Variants in TOGARAM1 observed in about 807,000 individuals in gnomAD.
TOGARAM1 encodes TOG array regulator of axonemal microtubules protein 1.
A neutral mutation model predicts 166.6 loss-of-function variants in TOGARAM1; 100 were observed. The ratio of observed to expected loss-of-function variants is 0.60; its 90% CI spans 0.51 to 0.71. The LOEUF (loss-of-function observed/expected upper bound fraction) is 0.71, where lower values mean the gene tolerates loss of function less well. Ranked by LOEUF, TOGARAM1 falls within the 30% of genes least tolerant of loss-of-function variation. The pLI, the probability that TOGARAM1 is intolerant of heterozygous loss-of-function variation, is 0.00. For synonymous variants in TOGARAM1, 758 were observed against 763.8 expected, an observed-to-expected ratio of 0.99 and a Z score of 0.13; for missense variants, 2,029 against 2,102.7, an observed-to-expected ratio of 0.96 and a Z score of 0.69.
rs1280719432 is a variant in TOGARAM1, at chr14:44,962,905, G to A, written c.484G>A (p.Val162Ile). Residue 162 changes from valine (V) to isoleucine (I), a missense_variant, in exon 1 of 20, where the codon GTT becomes ATT. This residue lies in a region of TOGARAM1 where 1,453 missense variants were observed against 1,432.2 expected (regional missense o/e 1.01). Coordinates refer to ENST00000361462, the MANE Select transcript of TOGARAM1 (RefSeq NM_001308120.2). Reference sequence around the variant, plus strand: ...GCTCTGCTTGCAACTTCTCTCGGACGTTCTCCGGGGTCAGGGGGAGGCAGG... The same window carrying A: ...GCTCTGCTTGCAACTTCTCTCGGACATTCTCCGGGGTCAGGGGGAGGCAGG... ...KRLCLQLLSDVLRGQGEAGQL... is the reference protein window; with the variant it reads ...KRLCLQLLSDILRGQGEAGQL... 1 of 1,614,150 alleles carries A rather than the reference G, an allele frequency of 6.2e-7. No homozygotes were observed. Among genetic ancestry groups the A allele is most frequent in the South Asian group, 1.1e-5 (1 of 91,088 alleles).
chr14:45,004,189 C>T lies in TOGARAM1; in HGVS notation c.2467C>T (p.Pro823Ser). The T allele has an allele frequency of 1.9e-6, 3 of 1,614,038 alleles. No homozygotes were observed. The highest frequency in any genetic ancestry group is 2.5e-6 in the Non-Finnish European group (3 of 1,179,972). ...YILPSYPVSS[P>S]RTSPKHTSPL... is the part of the protein sequence containing the mutation. ...CCTTCCATCCTATCCTGTCTCATCA[C>T]CTCGAACTAGTCCAAAGCATACATC... The change falls in exon 4 of 20, where the codon CCT becomes TCT. Residue 823 changes from proline (P) to serine (S), a missense_variant. Pro to Ser is a moderately conservative substitution (Grantham distance 74). This residue lies in a region of TOGARAM1 where 1,453 missense variants were observed against 1,432.2 expected (regional missense o/e 1.01). Coordinates refer to ENST00000361462, the MANE Select transcript of TOGARAM1 (RefSeq NM_001308120.2).
Position 44,974,029 on chromosome 14 carries a change from T to A in TOGARAM1, c.2046+9562T>A, listed in dbSNP as rs1433597054. ...ACCTTTCTCCTGGTTTTTCTCTGAG[T>A]TTCCTAGATCTGTGGTTAGGTTTCT... On this transcript the variant is annotated intron_variant, in intron 1 of 19. Transcript: ENST00000361462. 2.0e-5 allele frequency among the ~76,000 whole-genome samples: 3 copies of A among 151,978 alleles called. No individual in the cohort carries two copies. The East Asian group carries it at 5.8e-4, about 29-fold the overall frequency.
At chr14:45,039,280 G>A (rs976239611) in intron 11 of TOGARAM1, among the ~76,000 whole-genome samples, 1 of 152,136 alleles carries the variant, frequency 6.6e-6, no homozygotes, top group Admixed American at 6.5e-5. Context: ...GCTTCAGAGG[G>A]GAGGACGTGC....
chr14:45,037,972 C>T (rs533309434), intron 11 of TOGARAM1, among the ~76,000 whole-genome samples: 49 of 151,824 alleles, frequency 3.2e-4, no homozygotes, highest in African/African-American at 9.4e-4. Context: ...GAGCCTAGAT[C>T]GGGCCACTGC....
At chr14:45,018,393 C>T (rs1178883055) in intron 7 of TOGARAM1, among the ~76,000 whole-genome samples, 8 of 152,080 alleles carry the variant, frequency 5.3e-5, no homozygotes, top group Non-Finnish European at 1.2e-4. Context: ...GTGCATGCCA[C>T]CACGCCTGGG....
Position 45,027,301 on chromosome 14 carries a change from G to C in TOGARAM1, c.3331G>C (p.Val1111Leu). The C allele has an allele frequency of 1.2e-6, 2 of 1,612,304 alleles. No homozygotes were observed. Among genetic ancestry groups the C allele is most frequent in the South Asian group, 1.1e-5 (1 of 90,670 alleles). ...ATTTGGTGGTTGGTTGATTTCAGGC[G>C]TATTTGGAAGTTTAAGTTCAGCACC... Reference protein sequence around the residue: ...EDSVVVVGKGVFGSLSSAPAT... With the variant: ...EDSVVVVGKGLFGSLSSAPAT... Residue 1111 changes from valine (V) to leucine (L), a missense_variant and splice_region_variant, in exon 9 of 20, where the codon GTA (valine) becomes CTA (leucine). Physicochemically the swap from Val to Leu is conservative, Grantham distance 32 (BLOSUM62 1). Coordinates refer to ENST00000361462, the MANE Select transcript of TOGARAM1 (RefSeq NM_001308120.2).
intron 16 of TOGARAM1, among the ~76,000 whole-genome samples, chr14:45,062,318 T>G (rs1340274797): frequency 1.3e-5 from 2 of 152,180 alleles, no homozygotes; most frequent in East Asian, 3.8e-4. Context: ...TTAAATACAT[T>G]GAGGATAGTT....
intron 2 of TOGARAM1, among the ~76,000 whole-genome samples, chr14:44,998,231 A>T (rs367787388): frequency 6.6e-6 from 1 of 152,208 alleles, no homozygotes; most frequent in Non-Finnish European, 1.5e-5. Flanking sequence ...TTTGATTTTG[A>T]TTTCTCTGTA....
chr14:45,038,941 G>A (rs148662908), intron 11 of TOGARAM1, among the ~76,000 whole-genome samples: 6 of 152,258 alleles, frequency 3.9e-5, no homozygotes, highest in South Asian at 2.1e-4. Context: ...CTTTCTGCAC[G>A]CAAGTTGTCC....
chr14:45,045,569 ATATATATATATATATGTGTG>A (rs1330851548), intron 13 of TOGARAM1, among the ~76,000 whole-genome samples: 16 of 39,456 alleles, frequency 4.1e-4, no homozygotes, highest in South Asian at 2.0e-3. Context: ...ATATATATAT[ATATATATATATATATGTGTG>A]TGTGTGTGTG....
intron 7 of TOGARAM1, among the ~76,000 whole-genome samples, chr14:45,013,191 A>G (rs1188962789): frequency 6.6e-6 from 1 of 151,862 alleles, no homozygotes; most frequent in Non-Finnish European, 1.5e-5. Flanking sequence ...TCCATACCAC[A>G]CCCTATTTAG....
intron 18 of TOGARAM1, 27 bp downstream of exon 18, chr14:45,068,670 AT>A (rs1883246303): frequency 6.7e-7 from 1 of 1,500,298 alleles, no homozygotes; most frequent in African/African-American, 1.4e-5. Flanking sequence ...CGGCACTCAA[AT>A]TATTTTCACT....
chr14:45,071,652 G>T, intron 18 of TOGARAM1, 60 bp from the exon 19 acceptor site: 2 of 1,160,700 alleles, frequency 1.7e-6, no homozygotes, highest in African/African-American at 1.6e-5. Context: ...GCTATGTAAT[G>T]GAAAGTAACT....
At position 45,066,521 on chromosome 14, in the gene TOGARAM1, T is replaced by C; in HGVS notation, c.4560-57T>C. The C allele has an allele frequency of 2.8e-6, 4 of 1,408,178 alleles. No homozygotes were observed. The South Asian group carries it at 5.9e-5, about 21-fold the overall frequency. 87.2% of individuals were successfully genotyped at this position (1,408,178 alleles called of 1,614,324 possible). On this transcript the variant is annotated intron_variant, in intron 16 of 19. Coordinates refer to ENST00000361462, the MANE Select transcript of TOGARAM1 (RefSeq NM_001308120.2). Reference sequence around the variant, plus strand: ...ATGAGATTTTTAAATTATGTTTGTATAATAGTTTTTATAGGAAAGTACAAA... The same window carrying C: ...ATGAGATTTTTAAATTATGTTTGTACAATAGTTTTTATAGGAAAGTACAAA...
At position 45,053,870 on chromosome 14, in the gene TOGARAM1, ATAT is replaced by A. The variant is rs111579133; in HGVS notation, c.4441-538_4441-536del. Among the ~76,000 whole-genome samples, 269 of 151,240 alleles carry A rather than the reference ATAT, an allele frequency of 1.8e-3. 1 individual carries two copies. Among genetic ancestry groups the A allele is most frequent in the Non-Finnish European group, 3.0e-3 (202 of 67,814 alleles). ...AAGAAGAGTAGTTACGAAATACAGC[ATAT>A]TATTATTATTATTATTATTATTTTG... On this transcript the variant is annotated intron_variant, in intron 15 of 19. Coordinates refer to ENST00000361462, the MANE Select transcript of TOGARAM1 (RefSeq NM_001308120.2).
At chr14:45,070,350 G>A (rs1207662778) in intron 18 of TOGARAM1, among the ~76,000 whole-genome samples, 1 of 152,182 alleles carries the variant, frequency 6.6e-6, no homozygotes, top group African/African-American at 2.4e-5. Flanking sequence ...AGTGCCACTA[G>A]TGATGCTGGA....
chr14:45,045,603 G>A lies in TOGARAM1; in HGVS notation c.4154+733G>A, dbSNP rs1351421549. Among the ~76,000 whole-genome samples the A allele has an allele frequency of 6.1e-3, 481 of 79,488 alleles. 3 individuals carry two copies. Among genetic ancestry groups the A allele is most frequent in the African/African-American group, 0.015 (242 of 15,758 alleles). The allele number at this position is 79,488 out of a possible 152,430, so 52.1% of individuals were successfully genotyped here. A position where few individuals can be genotyped will look rare whatever the true frequency, so the allele number is the denominator to read the frequency against. ...TATATATGTGTGTGTGTGTGTGTGT[G>A]TGTGTGTGTGTGTGTATATATATGT... On this transcript the variant is annotated intron_variant, in intron 13 of 19. Transcript: ENST00000361462.
At chr14:45,058,195 C>T (rs1431385680) in intron 16 of TOGARAM1, among the ~76,000 whole-genome samples, 1 of 151,596 alleles carries the variant, frequency 6.6e-6, no homozygotes, top group Non-Finnish European at 1.5e-5. Flanking sequence ...ATTATCATCC[C>T]TTCTTTGTCT....
chr14:45,044,146 A>T (rs1881862532), intron 12 of TOGARAM1, among the ~76,000 whole-genome samples: 1 of 152,028 alleles, frequency 6.6e-6, no homozygotes, highest in Admixed American at 6.6e-5. Context: ...AGTAGCTGGG[A>T]TTACAGGCAC....
Sources: allele counts gnomAD v4.1 joint callset (sites outside exome capture counted in the v4.1 genomes callset), GRCh38; gene constraint gnomAD v4.1.1; regional missense constraint gnomAD v4.1.1; transcripts MANE v1.5; gene names NCBI Gene and HGNC (gene_info 2026-07-23, HGNC 2026-07-21).